Variants in RPA1 observed in about 807,000 individuals in gnomAD.
The protein encoded by RPA1 is replication protein A 70 kDa DNA-binding subunit.
RPA1 carries 49 observed loss-of-function variants against 83.0 expected under a neutral mutation model. That is an observed-to-expected ratio of 0.59 (90% CI 0.47 to 0.75). The LOEUF is 0.75. Ranked by LOEUF, RPA1 falls within the 30% of genes least tolerant of loss-of-function variation. The pLI is 0.00. For synonymous variants in RPA1, 279 were observed against 281.8 expected, an observed-to-expected ratio of 0.99 and a Z score of 0.10; for missense variants, 693 against 776.1, an observed-to-expected ratio of 0.89 and a Z score of 1.27.
intron 1 of RPA1, among the ~76,000 whole-genome samples, chr17:1,832,164 T>C (rs1361598142): frequency 2.7e-5 from 4 of 148,814 alleles, no homozygotes; most frequent in Non-Finnish European, 4.5e-5. Flanking sequence ...CTCCCAACCT[T>C]AGGTGATCCA....
intron 14 of RPA1, among the ~76,000 whole-genome samples, chr17:1,889,286 TCTGTTTTAAAAAC>T (rs1386521396): frequency 6.6e-6 from 1 of 152,054 alleles, no homozygotes; most frequent in Admixed American, 6.6e-5. Context: ...ATTGTTTCTT[TCTGTTTTAAAAAC>T]CTTTTTAAAA....
intron 14 of RPA1, among the ~76,000 whole-genome samples, chr17:1,891,140 T>TTC: frequency 6.6e-6 from 1 of 152,246 alleles, no homozygotes; most frequent in East Asian, 1.9e-4. Context: ...TACAAAGGCT[T>TTC]TTACTTCAGC....
chr17:1,839,627 C>T (rs1477895997), intron 1 of RPA1, among the ~76,000 whole-genome samples: 3 of 148,984 alleles, frequency 2.0e-5, no homozygotes. Flanking sequence ...TGCCTGGCCT[C>T]TAGCTTCATT....
intron 5 of RPA1, chr17:1,858,027 A>C: frequency 6.2e-6 from 10 of 1,609,424 alleles, no homozygotes; most frequent in East Asian, 2.2e-5. Flanking sequence ...TGATGCTGGG[A>C]GCCTCCTTTC....
In RPA1 at chr17:1,869,692, T is replaced by A. The variant is rs1913309048; in HGVS notation, c.362-2742T>A. 2.6e-5 allele frequency among the ~76,000 whole-genome samples: 4 copies of A among 152,338 alleles called. No homozygotes were observed. The South Asian group carries it at 6.2e-4, about 24-fold the overall frequency. On this transcript the variant is annotated intron_variant, in intron 5 of 16. Transcript: ENST00000254719. ...CACAAAGCAGAAGATGTGTCAGAAG[T>A]TAAGTCTCTGCATTACTGCTTTGGG... is the stretch of plus-strand genomic sequence containing the variant.
rs759447424 is a variant in RPA1 at position 1,879,717 on chromosome 17, G to T, written c.1092+18G>T. On this transcript the variant is annotated intron_variant, in intron 11 of 16. Transcript: ENST00000254719. ...GGGAAGATGTAAGTGCTGGGATGGG[G>T]TCTTCAACACGCACAGGACCTCCTG... 1.2e-6 allele frequency: 2 copies of T among 1,614,010 alleles called. No individual in the cohort carries two copies. The highest frequency in any genetic ancestry group is 1.1e-5 in the South Asian group (1 of 91,084).
intron 1 of RPA1, among the ~76,000 whole-genome samples, chr17:1,831,878 C>T (rs11870070): frequency 0.024 from 3,261 of 134,554 alleles, 146 homozygotes; most frequent in African/African-American, 0.083. Context: ...GGGTTACAGG[C>T]GTGAGCCACT....
chr17:1,862,194 A>ATTTT (rs57509401), intron 5 of RPA1, among the ~76,000 whole-genome samples: 176 of 93,152 alleles, frequency 1.9e-3, no homozygotes, highest in African/African-American at 8.2e-3. Flanking sequence ...CCCCAACCGT[A>ATTTT]TTTTTTTTTT....
At chr17:1,888,926 A>C in intron 14 of RPA1, 75 bp downstream of exon 14, 1 of 1,472,076 alleles carries the variant, frequency 6.8e-7, no homozygotes, top group Non-Finnish European at 9.3e-7. Flanking sequence ...CTGTGGTCAC[A>C]ACAGTAGAGA....
chr17:1,896,056 A>G (rs2055470593), intron 16 of RPA1, among the ~76,000 whole-genome samples: 1 of 152,200 alleles, frequency 6.6e-6, no homozygotes. Flanking sequence ...TACGTGGAAC[A>G]TCTCACTTGA....
At chr17:1,862,619 A>C (rs188301317) in intron 5 of RPA1, among the ~76,000 whole-genome samples, 2 of 147,982 alleles carry the variant, frequency 1.4e-5, no homozygotes, top group Admixed American at 6.8e-5. Context: ...GGGTTTCACC[A>C]TGTTGGCCAG....
At chr17:1,870,469 A>G (rs1483013099) in intron 5 of RPA1, among the ~76,000 whole-genome samples, 1 of 152,270 alleles carries the variant, frequency 6.6e-6, no homozygotes, top group Non-Finnish European at 1.5e-5. Context: ...GTGGTAAAAT[A>G]CTACCTAACA....
At chr17:1,882,159 C>CCCT (rs1390403496) in intron 12 of RPA1, among the ~76,000 whole-genome samples, 1 of 152,172 alleles carries the variant, frequency 6.6e-6, no homozygotes, top group Non-Finnish European at 1.5e-5. Context: ...CAGCTCCTCT[C>CCCT]CGCCACCACT....
intron 1 of RPA1, 79 bp downstream of exon 1, chr17:1,830,205 G>GGTTTTA: frequency 8.9e-7 from 1 of 1,120,042 alleles, no homozygotes; most frequent in Non-Finnish European, 1.1e-6. Flanking sequence ...AGGGGGAGGG[G>GGTTTTA]AGCCCGGGGC....
At chr17:1,878,174 G>A (rs183499557) in intron 8 of RPA1, among the ~76,000 whole-genome samples, 2 of 152,288 alleles carry the variant, frequency 1.3e-5, no homozygotes, top group Non-Finnish European at 2.9e-5. Flanking sequence ...GGTGGAGGTT[G>A]GAGCCAGCCA....
At chr17:1,894,848 C>T (rs1914338061) in intron 15 of RPA1, among the ~76,000 whole-genome samples, 161 bp from the exon 16 acceptor site, 1 of 152,212 alleles carries the variant, frequency 6.6e-6, no homozygotes, top group Non-Finnish European at 1.5e-5. Context: ...TAAGATTCTA[C>T]TTAAAACAGT....
chr17:1,886,902 A>G (rs1914015234), intron 13 of RPA1, among the ~76,000 whole-genome samples: 1 of 151,876 alleles, frequency 6.6e-6, no homozygotes, highest in South Asian at 2.1e-4. Flanking sequence ...TTAGGCAATC[A>G]TGTTGCCTCT....
intron 7 of RPA1, among the ~76,000 whole-genome samples, chr17:1,876,140 TCTC>T (rs1180811289): frequency 6.6e-6 from 1 of 152,226 alleles, no homozygotes; most frequent in African/African-American, 2.4e-5. Flanking sequence ...CATTTAATCT[TCTC>T]CTATAAACAG....
intron 12 of RPA1, among the ~76,000 whole-genome samples, chr17:1,882,882 G>A (rs1467574397): frequency 6.6e-6 from 1 of 152,208 alleles, no homozygotes; most frequent in Non-Finnish European, 1.5e-5. Flanking sequence ...CCCAGTTTCT[G>A]ATTTTAGGCC....
Sources: allele counts gnomAD v4.1 joint callset (sites outside exome capture counted in the v4.1 genomes callset), GRCh38; gene constraint gnomAD v4.1.1; transcripts MANE v1.5; gene names NCBI Gene and HGNC (gene_info 2026-07-23, HGNC 2026-07-21).